The following NALF1 variants were observed in gnomAD, a reference collection of about 807,000 sequenced individuals.
NALF1 encodes family with sequence similarity 155 member A.
Under a neutral mutation model 48.4 loss-of-function variants are expected in NALF1, and 3 were observed. The observed-to-expected ratio is 0.06, with a 90% CI of 0.03 to 0.16. The LOEUF is 0.16. Ranked by LOEUF, NALF1 falls within the 10% of genes least tolerant of loss-of-function variation. The pLI is 1.00. For synonymous variants in NALF1, 262 were observed against 245.7 expected, an observed-to-expected ratio of 1.07 and a Z score of -0.62; for missense variants, 526 against 571.5, an observed-to-expected ratio of 0.92 and a Z score of 0.81.
rs561758789 is a variant in NALF1 at position 107,749,793 on chromosome 13, G to T, written c.915+115889C>A. Among the ~76,000 whole-genome samples, 5 of 151,188 alleles carry T rather than the reference G, an allele frequency of 3.3e-5. No individual in the cohort carries two copies. The South Asian group carries it at 6.3e-4, about 19-fold the overall frequency. ...AATTATTTTTTACTGTATCAGTTTG[G>T]TTTTTTTGTTGTGGTGGTTTGTTTG... On this transcript the variant is annotated intron_variant, in intron 1 of 2. Coordinates refer to ENST00000375915, the MANE Select transcript of NALF1 (RefSeq NM_001080396.3).
intron 1 of NALF1, among the ~76,000 whole-genome samples, chr13:107,388,106 A>G (rs895820663): frequency 3.9e-5 from 6 of 152,204 alleles, no homozygotes; most frequent in African/African-American, 1.4e-4. Context: ...ACAGGTTGCT[A>G]ATCTCTGGTG....
intron 1 of NALF1, among the ~76,000 whole-genome samples, chr13:107,742,551 T>A (rs1012453147): frequency 9.9e-5 from 15 of 152,186 alleles, no homozygotes; most frequent in African/African-American, 3.6e-4. Context: ...AAGCATGGGT[T>A]TACTTCCCCT....
At chr13:107,636,219 C>T (rs994144606) in intron 1 of NALF1, among the ~76,000 whole-genome samples, 6 of 152,086 alleles carry the variant, frequency 3.9e-5, no homozygotes, top group South Asian at 2.1e-4. Flanking sequence ...CTACATCACA[C>T]GGCCGAATTA....
At chr13:107,428,473 C>G (rs1884318935) in intron 1 of NALF1, among the ~76,000 whole-genome samples, 1 of 152,122 alleles carries the variant, frequency 6.6e-6, no homozygotes, top group Non-Finnish European at 1.5e-5. Context: ...TCAATTCTAT[C>G]TATAATTTGA....
At chr13:107,385,605 T>C (rs1304603742) in intron 1 of NALF1, among the ~76,000 whole-genome samples, 1 of 148,080 alleles carries the variant, frequency 6.8e-6, no homozygotes, top group Non-Finnish European at 1.5e-5. Flanking sequence ...TGCATATCTA[T>C]GACAAAGAAA....
intron 1 of NALF1, among the ~76,000 whole-genome samples, chr13:107,534,425 A>C (rs1386939207): frequency 6.6e-6 from 1 of 152,180 alleles, no homozygotes; most frequent in Non-Finnish European, 1.5e-5. Flanking sequence ...GAGGAGCAAT[A>C]AGGACAAAAG....
At chr13:107,615,582 T>C (rs1276680013) in intron 1 of NALF1, among the ~76,000 whole-genome samples, 1 of 152,100 alleles carries the variant, frequency 6.6e-6, no homozygotes, top group Non-Finnish European at 1.5e-5. Flanking sequence ...TAACCTGGAG[T>C]GTGTGGATCC....
intron 1 of NALF1, among the ~76,000 whole-genome samples, chr13:107,556,354 G>T (rs9587401): frequency 0.051 from 7,590 of 149,414 alleles, 222 homozygotes; most frequent in African/African-American, 0.074. Flanking sequence ...TATATATAGA[G>T]AGAGAGAGAG....
At chr13:107,554,487 G>A (rs1877394656) in intron 1 of NALF1, among the ~76,000 whole-genome samples, 1 of 152,098 alleles carries the variant, frequency 6.6e-6, no homozygotes, top group Non-Finnish European at 1.5e-5. Context: ...AAAGACCCAG[G>A]CCAGGCAGTG....
At chr13:107,174,872 A>ATCTTT (rs1037463829) in intron 2 of NALF1, among the ~76,000 whole-genome samples, 3 of 150,722 alleles carry the variant, frequency 2.0e-5, no homozygotes, top group Non-Finnish European at 4.4e-5. Context: ...CAGATCAACA[A>ATCTTT]TCTTTTCTTT....
At chr13:107,612,253 G>A (rs1272155158) in intron 1 of NALF1, among the ~76,000 whole-genome samples, 2 of 152,080 alleles carry the variant, frequency 1.3e-5, no homozygotes, top group East Asian at 1.9e-4. Flanking sequence ...ACAGAAATTT[G>A]CCAGGGGAGG....
intron 1 of NALF1, among the ~76,000 whole-genome samples, chr13:107,591,128 A>T (rs909959782): frequency 6.6e-6 from 1 of 152,090 alleles, no homozygotes; most frequent in Non-Finnish European, 1.5e-5. Flanking sequence ...GAGAGTAACA[A>T]TAGAATTCCC....
In NALF1 at chr13:107,167,353, G is replaced by T. The variant is rs1284138263; in HGVS notation, c.*3144C>A. On this transcript the variant is annotated 3_prime_UTR_variant, in exon 3 of 3. Coordinates refer to ENST00000375915, the MANE Select transcript of NALF1 (RefSeq NM_001080396.3). ...CACAACCTTAAGCATGCTCAAGTGT[G>T]TGCCAGGAAAACTACTACAAAGAAT... 6.6e-6 allele frequency: 1 copy of T among 152,214 alleles called. No homozygotes were observed. Among genetic ancestry groups the T allele is most frequent in the Non-Finnish European group, 1.5e-5 (1 of 68,038 alleles). The allele number at this position is 152,214 out of a possible 1,614,324, so 9.4% of individuals were successfully genotyped here. A position where few individuals can be genotyped will look rare whatever the true frequency, so the allele number is the denominator to read the frequency against.
At chr13:107,573,465 C>A (rs1878048464) in intron 1 of NALF1, among the ~76,000 whole-genome samples, 2 of 152,078 alleles carry the variant, frequency 1.3e-5, no homozygotes, top group Admixed American at 1.3e-4. Flanking sequence ...CTTCTTTTTA[C>A]CAATGTTCTC....
intron 1 of NALF1, among the ~76,000 whole-genome samples, chr13:107,695,240 T>C (rs1423243255): frequency 6.6e-6 from 1 of 152,216 alleles, no homozygotes; most frequent in African/African-American, 2.4e-5. Flanking sequence ...GAAAAGCACC[T>C]ATCCTATGTC....
At chr13:107,190,003 A>G (rs991148553) in intron 2 of NALF1, among the ~76,000 whole-genome samples, 1 of 152,152 alleles carries the variant, frequency 6.6e-6, no homozygotes, top group Admixed American at 6.6e-5. Context: ...CCTTGTTGAG[A>G]ACATTACCTA....
intron 1 of NALF1, among the ~76,000 whole-genome samples, chr13:107,836,328 A>G (rs772803777): frequency 1.3e-5 from 2 of 152,168 alleles, no homozygotes; most frequent in Non-Finnish European, 1.5e-5. Context: ...GTGATTTTAT[A>G]TAAGTTTTAG....
intron 1 of NALF1, among the ~76,000 whole-genome samples, chr13:107,680,398 A>G (rs1028250263): frequency 1.6e-5 from 2 of 124,748 alleles, no homozygotes; most frequent in Admixed American, 9.4e-5. Flanking sequence ...TCTTACGTTC[A>G]TACGTGTATG....
intron 1 of NALF1, among the ~76,000 whole-genome samples, chr13:107,600,438 T>C (rs1451757162): frequency 6.6e-6 from 1 of 151,236 alleles, no homozygotes; most frequent in African/African-American, 2.4e-5. Context: ...CAAACTATTA[T>C]GTAGGTTAAT....
Sources: gnomAD v4.1 joint callset for allele counts (sites outside exome capture counted in the v4.1 genomes callset) on GRCh38, gnomAD v4.1.1 for gene constraint, MANE v1.5 for transcripts, NCBI Gene and HGNC (gene_info 2026-07-23, HGNC 2026-07-21) for gene names.